KCTD1: variants seen among roughly 807,000 people sequenced by gnomAD.
KCTD1 encodes the protein potassium channel tetramerization domain containing 1.
Under a neutral mutation model 66.0 loss-of-function variants are expected in KCTD1, and 24 were observed. That is an observed-to-expected ratio of 0.36 (90% confidence interval 0.26 to 0.51). The LOEUF (loss-of-function observed/expected upper bound fraction) is 0.51. KCTD1 is among the 20% of genes least tolerant of loss of function. The pLI, the probability that KCTD1 is intolerant of heterozygous loss-of-function variation, is 0.95. For missense variants in KCTD1, 943 were observed against 1,205.2 expected, an observed-to-expected ratio of 0.78 and a Z score of 3.22; for synonymous variants, 511 against 517.2, an observed-to-expected ratio of 0.99 and a Z score of 0.16.
At chr18:26,557,577 CT>C in intron 1 of KCTD1, among the ~76,000 whole-genome samples, 1 of 152,288 alleles carries the variant, frequency 6.6e-6, no homozygotes, top group East Asian at 1.9e-4. Flanking sequence ...TTTAGCAGCT[CT>C]TGAGTGTGGC....
upstream of KCTD1, among the ~76,000 whole-genome samples, chr18:26,634,052 T>C (rs1045638444): frequency 6.6e-6 from 1 of 152,100 alleles, no homozygotes; most frequent in African/African-American, 2.4e-5. Flanking sequence ...GACAAAATAA[T>C]CCAGATACAA....
At chr18:26,459,121 T>C (rs1417025010) in intron 4 of KCTD1, 1 of 153,376 alleles carries the variant, frequency 6.5e-6, no homozygotes, top group Admixed American at 6.5e-5. Context: ...CAAGCCAAAC[T>C]GGCTTTCCTG....
At chr18:26,642,771 G>A (rs1357594066), upstream of KCTD1, among the ~76,000 whole-genome samples, 2 of 152,044 alleles carry the variant, frequency 1.3e-5, no homozygotes, top group African/African-American at 2.4e-5. Flanking sequence ...AACCTTTAGA[G>A]CATGTTCCAT....
chr18:26,595,615 C>G (rs550704275), intron 1 of KCTD1, among the ~76,000 whole-genome samples: 3 of 152,244 alleles, frequency 2.0e-5, no homozygotes, highest in Non-Finnish European at 4.4e-5. Context: ...AGAGAAGTGC[C>G]TATGTGCCCT....
At chr18:26,593,363 G>GGAA (rs1568003513) in intron 1 of KCTD1, among the ~76,000 whole-genome samples, 1 of 109,330 alleles carries the variant, frequency 9.1e-6, no homozygotes, top group African/African-American at 3.5e-5. Flanking sequence ...AGGAGGAAGA[G>GGAA]GAGGAGGAGG....
chr18:26,657,414 C>T (rs180829291), upstream of KCTD1: 626 of 985,222 alleles, frequency 6.4e-4, 4 homozygotes, highest in African/African-American at 0.01. Context: ...TTTTCCTCTC[C>T]CCCCTTTTCC....
At chr18:26,526,087 T>C (rs1016693139) in intron 1 of KCTD1, among the ~76,000 whole-genome samples, 6 of 152,094 alleles carry the variant, frequency 3.9e-5, no homozygotes, top group Non-Finnish European at 7.4e-5. Flanking sequence ...AGATCCTATG[T>C]TTCTGGAGGC....
intron 1 of KCTD1, among the ~76,000 whole-genome samples, chr18:26,506,805 C>G (rs1043395900): frequency 6.6e-6 from 1 of 152,186 alleles, no homozygotes; most frequent in Admixed American, 6.5e-5. Context: ...ATGGTCACCA[C>G]CAGCCACAAG....
At chr18:26,567,341 C>A (rs530805593) in intron 1 of KCTD1, among the ~76,000 whole-genome samples, 3 of 152,192 alleles carry the variant, frequency 2.0e-5, no homozygotes, top group Non-Finnish European at 2.9e-5. Flanking sequence ...AACAACCACT[C>A]TGGAATCTAT....
At chr18:26,505,601 G>T (rs1026911746) in intron 1 of KCTD1, among the ~76,000 whole-genome samples, 1 of 152,196 alleles carries the variant, frequency 6.6e-6, no homozygotes, top group African/African-American at 2.4e-5. Context: ...CTGTTGCCCA[G>T]GCTGCAGTGC....
rs1980872522 is a variant in KCTD1, at chr18:26,468,523, C to A, written c.2133+7992G>T. Among the ~76,000 whole-genome samples the A allele has an allele frequency of 2.0e-5, 3 of 152,100 alleles. No individual in the cohort carries two copies. The highest frequency in any genetic ancestry group is 6.6e-5 in the Admixed American group (1 of 15,264). Reference sequence around the variant, plus strand: ...CCTAACAAACTTAGTGAAAGAGATTCTCTCCTCATGCAAAAAACCATGTCC... The same window carrying A: ...CCTAACAAACTTAGTGAAAGAGATTATCTCCTCATGCAAAAAACCATGTCC... On this transcript the variant is annotated intron_variant, in intron 3 of 4. Transcript: ENST00000580059. The surrounding 1 kb of genome is among the most constrained non-coding windows in gnomAD (Gnocchi z 4.8).
chr18:26,602,750 C>T (rs1434343653), intron 1 of KCTD1, among the ~76,000 whole-genome samples: 1 of 152,208 alleles, frequency 6.6e-6, no homozygotes, highest in African/African-American at 2.4e-5. Context: ...TCATGATCCA[C>T]ATAAACTTAA....
chr18:26,589,588 T>C (rs1986549927), intron 1 of KCTD1, among the ~76,000 whole-genome samples: 1 of 152,230 alleles, frequency 6.6e-6, no homozygotes, highest in Non-Finnish European at 1.5e-5. Context: ...TTTCAAAGTA[T>C]CTTGGCTACT....
upstream of KCTD1, among the ~76,000 whole-genome samples, chr18:26,553,392 C>T (rs1339177115): frequency 1.3e-5 from 2 of 152,130 alleles, no homozygotes; most frequent in African/African-American, 4.8e-5. Context: ...GAAACTTTGT[C>T]TTATTTATTT....
chr18:26,578,537 G>A (rs974268103), intron 1 of KCTD1, among the ~76,000 whole-genome samples: 6 of 151,956 alleles, frequency 3.9e-5, no homozygotes, highest in East Asian at 3.9e-4. Context: ...AGCAAAGTAC[G>A]TGCCATGTAG....
intron 2 of KCTD1, among the ~76,000 whole-genome samples, chr18:26,487,805 C>G (rs1567964857): frequency 6.6e-6 from 1 of 152,332 alleles, no homozygotes; most frequent in East Asian, 1.9e-4. Flanking sequence ...ATAGGAATAT[C>G]TATCAATATT....
At chr18:26,567,776 C>T (rs1011609857) in intron 1 of KCTD1, among the ~76,000 whole-genome samples, 15 of 151,960 alleles carry the variant, frequency 9.9e-5, no homozygotes, top group Non-Finnish European at 1.9e-4. Flanking sequence ...TGTGAGCCAC[C>T]GTGCCCGGCC....
intron 2 of KCTD1, among the ~76,000 whole-genome samples, chr18:26,489,038 C>T (rs1176614762): frequency 1.3e-5 from 2 of 152,164 alleles, no homozygotes. Context: ...AAGATTACAC[C>T]TGACTCTCAT....
intron 2 of KCTD1, among the ~76,000 whole-genome samples, chr18:26,487,336 A>T (rs1005604131): frequency 3.9e-5 from 6 of 152,222 alleles, no homozygotes; most frequent in Non-Finnish European, 7.3e-5. Context: ...AGAAAGCTGA[A>T]AATTGGACAA....
Sources: gnomAD v4.1 joint callset for allele counts (sites outside exome capture counted in the v4.1 genomes callset) on GRCh38, gnomAD v4.1.1 for gene constraint, Gnocchi (gnomAD v3.1) non-coding constraint, MANE v1.5 for transcripts, NCBI Gene and HGNC (gene_info 2026-07-23, HGNC 2026-07-21) for gene names.